RIOX2: variants seen among roughly 807,000 people sequenced by gnomAD.
RIOX2 encodes the protein ribosomal oxygenase 2.
A neutral mutation model predicts 51.2 loss-of-function variants in RIOX2; 43 were observed. The observed-to-expected ratio is 0.84, with a 90% CI of 0.66 to 1.08. RIOX2 has a LOEUF of 1.08. Among genes scored for constraint, RIOX2 ranks in the 50% least tolerant of loss-of-function variants. The probability of loss-of-function intolerance (pLI) is 0.00; values close to 1 mark genes in which losing one functional copy is unlikely to be tolerated. For synonymous variants in RIOX2, 226 were observed against 218.5 expected (o/e 1.03, Z -0.30); for missense variants, 566 against 561.7 (o/e 1.01, Z -0.08).
Position 97,943,359 on chromosome 3 carries a change from G to A in RIOX2, c.*1825C>T, listed in dbSNP as rs1345073484. 9.2e-7 allele frequency: 1 copy of A among 1,082,046 alleles called. No homozygotes were observed. The highest frequency in any genetic ancestry group is 1.3e-5 in the South Asian group (1 of 76,986). 67.0% of individuals were successfully genotyped at this position (1,082,046 alleles called of 1,614,324 possible). ...AAGATCCCTAGAAAGAGCAAAGAAGGAAACACATCTGTCATTGTCTTGTGG... is the reference window on the plus strand; with the variant it reads ...AAGATCCCTAGAAAGAGCAAAGAAGAAAACACATCTGTCATTGTCTTGTGG... On this transcript the variant is annotated 3_prime_UTR_variant, in exon 10 of 10. Coordinates refer to ENST00000394198, the MANE Select transcript of RIOX2 (RefSeq NM_153182.4).
intron 1 of RIOX2, 138 bp downstream of exon 1, chr3:97,972,243 G>C (rs544152608): frequency 7.3e-6 from 1 of 137,090 alleles, no homozygotes; most frequent in South Asian, 2.7e-4. Flanking sequence ...GCCGGCCACC[G>C]AGGCTTCTCG....
chr3:97,962,225 C>T (rs1442151925), intron 2 of RIOX2, among the ~76,000 whole-genome samples: 1 of 151,992 alleles, frequency 6.6e-6, no homozygotes, highest in Non-Finnish European at 1.5e-5. Context: ...AAAAAAAATA[C>T]TCTTGGGTTT....
chr3:97,947,738 T>C (rs191899342), intron 7 of RIOX2, among the ~76,000 whole-genome samples: 6 of 152,308 alleles, frequency 3.9e-5, no homozygotes, highest in South Asian at 4.1e-4. Flanking sequence ...GTGGCTATCA[T>C]AGCACATAAG....
rs375411614 is a variant in RIOX2, at chr3:97,942,317, C to T, written c.*2867G>A. The T allele has an allele frequency of 1.6e-5, 26 of 1,610,360 alleles. No individual in the cohort carries two copies. The highest frequency in any genetic ancestry group is 6.6e-5 in the South Asian group (6 of 90,658). Reference sequence around the variant, plus strand: ...TACATGTCTTGATGTGATTGGTGGCCGGGACACACCTGGAGCTAAAGTAGC... The same window carrying T: ...TACATGTCTTGATGTGATTGGTGGCTGGGACACACCTGGAGCTAAAGTAGC... On this transcript the variant is annotated 3_prime_UTR_variant, in exon 10 of 10. Coordinates refer to ENST00000394198, the MANE Select transcript of RIOX2 (RefSeq NM_153182.4).
At chr3:97,948,813 A>G (rs1452799078) in intron 7 of RIOX2, among the ~76,000 whole-genome samples, 1 of 152,034 alleles carries the variant, frequency 6.6e-6, no homozygotes, top group Non-Finnish European at 1.5e-5. Context: ...GCAGTTCTCA[A>G]TGGTGTGTGG....
In RIOX2 at chr3:97,945,880, G is replaced by C; in HGVS notation, c.1157C>G (p.Ala386Gly). The change falls in exon 9 of 10, where the codon GCT (alanine) becomes GGT (glycine). Residue 386 changes from alanine (A) to glycine (G), a missense_variant. Transcript: ENST00000394198. Reference protein sequence around the residue: ...VLPDQDQSDEAQEKMVYIYHS... With the variant: ...VLPDQDQSDEGQEKMVYIYHS... ...ATAGATGTACACCATCTTTTCTTGA[G>C]CTTCATCCTTTGGGGAAAAAATAAA... The C allele has an allele frequency of 6.2e-7, 1 of 1,606,082 alleles. No individual in the cohort carries two copies. The highest frequency in any genetic ancestry group is 8.5e-7 in the Non-Finnish European group (1 of 1,173,636).
At position 97,967,219 on chromosome 3, in the gene RIOX2, T is replaced by C; in HGVS notation, c.375A>G (p.Arg125=). 6.2e-7 allele frequency: 1 copy of C among 1,614,218 alleles called. No homozygotes were observed. The highest frequency in any genetic ancestry group is 1.1e-5 in the South Asian group (1 of 91,086). ...TTGCCCTTTTCTGATCAAAATCTTT[T>C]CTCAGCTGAAGAAAGTGTGCTTTGC... The part of the protein sequence containing the change: ...KDGKAHFLQL[R]KDFDQKRATI... Residue 125 remains arginine, a synonymous_variant, in exon 2 of 10, where the codon AGA becomes AGG. Coordinates refer to ENST00000394198, the MANE Select transcript of RIOX2 (RefSeq NM_153182.4).
chr3:97,942,534 T>C lies in RIOX2; in HGVS notation c.*2650A>G. The C allele has an allele frequency of 8.7e-7, 1 of 1,146,130 alleles. No homozygotes were observed. The highest frequency in any genetic ancestry group is 1.2e-6 in the Non-Finnish European group (1 of 830,714). The allele number at this position is 1,146,130 out of a possible 1,614,324, so 71.0% of individuals were successfully genotyped here. On this transcript the variant is annotated 3_prime_UTR_variant, in exon 10 of 10. Coordinates refer to ENST00000394198, the MANE Select transcript of RIOX2 (RefSeq NM_153182.4). The stretch of plus-strand genomic sequence containing the variant: ...TTTGGGTAAAGGACATCCTTATGTA[T>C]AAGAGAAATGTTAAGTCATTTAAAA...
rs974915110 is a variant in RIOX2, at chr3:97,943,675, T to C, written c.*1509A>G. On this transcript the variant is annotated 3_prime_UTR_variant, in exon 10 of 10. Transcript: ENST00000394198. ...CACTGGTGATGCTATTATCCTGTAT[T>C]ATTTATTAATATCCTACCTAGATGC... is the stretch of plus-strand genomic sequence containing the variant. 2 of 206,176 alleles carry C rather than the reference T, an allele frequency of 9.7e-6. No homozygotes were observed. Among genetic ancestry groups the C allele is most frequent in the African/African-American group, 4.8e-5 (2 of 42,034 alleles). The allele number at this position is 206,176 out of a possible 1,614,324, so 12.8% of individuals were successfully genotyped here. A position where few individuals can be genotyped will look rare whatever the true frequency, so the allele number is the denominator to read the frequency against.
intron 4 of RIOX2, among the ~76,000 whole-genome samples, chr3:97,956,366 A>T (rs1266886584): frequency 2.0e-5 from 3 of 152,210 alleles, no homozygotes; most frequent in Non-Finnish European, 4.4e-5. Context: ...CCCTAGAGAG[A>T]TCCCTTTTAG....
chr3:97,946,937 A>G (rs2040381197), intron 8 of RIOX2, among the ~76,000 whole-genome samples: 1 of 152,148 alleles, frequency 6.6e-6, no homozygotes, highest in Admixed American at 6.5e-5. Context: ...AAGCAAAATT[A>G]CAGAATATAT....
rs1216861417 is a variant in RIOX2, at chr3:97,967,299, C to T, written c.295G>A (p.Asp99Asn). Residue 99 changes from aspartate to asparagine, a missense_variant, in exon 2 of 10, where the codon GAT becomes AAT. Physicochemically the swap from Asp to Asn is conservative, Grantham distance 23. Transcript: ENST00000394198. ...LCSRGMYYGR[D>N]VNVCRCVNGK... ...TTGACACACCGGCAGACATTCACAT[C>T]TCTTCCATAGTACATCCCCCGGCTG... 1 of 1,614,184 alleles carries T rather than the reference C, an allele frequency of 6.2e-7. No homozygotes were observed. Among genetic ancestry groups the T allele is most frequent in the Non-Finnish European group, 8.5e-7 (1 of 1,180,052 alleles).
At chr3:97,964,792 T>A (rs1705819623) in intron 2 of RIOX2, among the ~76,000 whole-genome samples, 1 of 148,522 alleles carries the variant, frequency 6.7e-6, no homozygotes, top group South Asian at 2.2e-4. Flanking sequence ...AGCTCAAAAG[T>A]TAAAATATAT....
chr3:97,963,766 T>C (rs1705771849), intron 2 of RIOX2, among the ~76,000 whole-genome samples: 1 of 152,172 alleles, frequency 6.6e-6, no homozygotes, highest in African/African-American at 2.4e-5. Flanking sequence ...TTACTGAAAA[T>C]GCTATCAATG....
intron 2 of RIOX2, among the ~76,000 whole-genome samples, chr3:97,964,146 C>T (rs774916336): frequency 2.6e-5 from 4 of 152,128 alleles, no homozygotes; most frequent in East Asian, 1.9e-4. Context: ...GTCTCTCTCC[C>T]GGCTGGCTGT....
chr3:97,971,823 AC>A (rs1455331405), intron 1 of RIOX2: 4 of 152,318 alleles, frequency 2.6e-5, no homozygotes, highest in African/African-American at 9.7e-5. Flanking sequence ...CTGTTGGACA[AC>A]CCAGCTGTCG....
In RIOX2 at chr3:97,945,912, A is replaced by C. The variant is rs774502353; in HGVS notation, c.1150-25T>G. ...CCTTTGGGGAAAAAATAAATGCATT[A>C]GGCCATCAACAACACAACACTGAAG... On this transcript the variant is annotated intron_variant, in intron 8 of 9. Transcript: ENST00000394198. 1.3e-5 allele frequency: 20 copies of C among 1,525,796 alleles called. No individual in the cohort carries two copies. The East Asian group carries it at 4.5e-4, about 34-fold the overall frequency. 94.5% of individuals were successfully genotyped at this position (1,525,796 alleles called of 1,614,324 possible). A position where few individuals can be genotyped will look rare whatever the true frequency, so the allele number is the denominator to read the frequency against.
At chr3:97,958,172 C>T (rs1019339173) in intron 4 of RIOX2, among the ~76,000 whole-genome samples, 1 of 152,114 alleles carries the variant, frequency 6.6e-6, no homozygotes, top group Admixed American at 6.5e-5. Context: ...AATCAAGAAA[C>T]ACACAAGGCA....
intron 2 of RIOX2, among the ~76,000 whole-genome samples, chr3:97,962,431 T>G (rs1705721321): frequency 7.4e-6 from 1 of 134,376 alleles, no homozygotes; most frequent in African/African-American, 2.8e-5. Context: ...GACTGAAGAT[T>G]TACACTTGGG....
Sources: allele counts gnomAD v4.1 joint callset (sites outside exome capture counted in the v4.1 genomes callset), GRCh38; gene constraint gnomAD v4.1.1; transcripts MANE v1.5; gene names NCBI Gene and HGNC (gene_info 2026-07-23, HGNC 2026-07-21).